FHOD3: variants seen among roughly 807,000 people sequenced by gnomAD.
The protein encoded by FHOD3 is formin homology 2 domain containing 3.
A neutral mutation model predicts 173.0 loss-of-function variants in FHOD3; 90 were observed. That is an observed-to-expected ratio of 0.52 (90% confidence interval 0.44 to 0.62). The LOEUF is 0.62. Ranked by LOEUF, FHOD3 falls within the 20% of genes least tolerant of loss-of-function variation. The probability of loss-of-function intolerance (pLI) is 0.00; values close to 1 mark genes in which losing one functional copy is unlikely to be tolerated. For synonymous variants in FHOD3, 828 were observed against 823.0 expected (o/e 1.01, Z -0.10); for missense variants, 1,945 against 2,034.7 (o/e 0.96, Z 0.85).
At chr18:36,658,019 ACTT>A in intron 13 of FHOD3, 53 bp from the exon 14 acceptor site, 4 of 1,291,564 alleles carry the variant, frequency 3.1e-6, no homozygotes, top group Admixed American at 3.6e-5. Context: ...TTATTTACTG[ACTT>A]GTACTTATTT....
intron 5 of FHOD3, among the ~76,000 whole-genome samples, chr18:36,529,275 AT>A (rs1568387994): frequency 6.6e-6 from 1 of 152,104 alleles, no homozygotes; most frequent in Admixed American, 6.5e-5. Flanking sequence ...ATAGGGTTTG[AT>A]GGTGATTTTG....
intron 1 of FHOD3, among the ~76,000 whole-genome samples, chr18:36,316,092 C>T (rs966512205): frequency 6.6e-6 from 1 of 151,238 alleles, no homozygotes; most frequent in Non-Finnish European, 1.5e-5. Flanking sequence ...CTCTTTTCTT[C>T]CCCCACTTTC....
At chr18:36,756,303 T>C (rs1357793661) in intron 25 of FHOD3, among the ~76,000 whole-genome samples, 1 of 152,172 alleles carries the variant, frequency 6.6e-6, no homozygotes, top group South Asian at 2.1e-4. Flanking sequence ...ATTTGGAACT[T>C]GTTGAAGGAC....
chr18:36,570,641 A>G (rs1213470133), intron 5 of FHOD3, among the ~76,000 whole-genome samples: 1 of 152,140 alleles, frequency 6.6e-6, no homozygotes, highest in Non-Finnish European at 1.5e-5. Flanking sequence ...AACAAATATT[A>G]GTAAATCAAA....
At chr18:36,415,643 A>G (rs1422117000) in intron 3 of FHOD3, among the ~76,000 whole-genome samples, 1 of 152,242 alleles carries the variant, frequency 6.6e-6, no homozygotes, top group Non-Finnish European at 1.5e-5. Flanking sequence ...GCAGTAATCT[A>G]TATTTAGCAG....
At chr18:36,673,250 T>C (rs2037648737) in intron 14 of FHOD3, among the ~76,000 whole-genome samples, 1 of 152,154 alleles carries the variant, frequency 6.6e-6, no homozygotes, top group African/African-American at 2.4e-5. Context: ...CACTTTTCTG[T>C]TAAAAAGGCA....
chr18:36,541,330 G>T (rs925306765), intron 5 of FHOD3, among the ~76,000 whole-genome samples: 2 of 151,092 alleles, frequency 1.3e-5, no homozygotes, highest in Non-Finnish European at 2.9e-5. Context: ...TGTAATCCCA[G>T]CACTTTCAGA....
chr18:36,704,826 G>A (rs999905192), intron 17 of FHOD3, among the ~76,000 whole-genome samples: 11 of 152,130 alleles, frequency 7.2e-5, no homozygotes, highest in South Asian at 2.1e-4. Context: ...TCCCTGCCCC[G>A]CTCCGGTGTG....
intron 1 of FHOD3, among the ~76,000 whole-genome samples, chr18:36,335,469 T>G (rs2045259756): frequency 6.8e-6 from 1 of 147,296 alleles, no homozygotes; most frequent in South Asian, 2.1e-4. Context: ...CACTCCAGCC[T>G]GGGCGACAGA....
chr18:36,721,888 G>C (rs2040812783), intron 19 of FHOD3, among the ~76,000 whole-genome samples: 1 of 152,140 alleles, frequency 6.6e-6, no homozygotes, highest in African/African-American at 2.4e-5. Flanking sequence ...ACAAAACAAA[G>C]AGAATTGGTT....
At chr18:36,774,413 T>C (rs964451882) in intron 28 of FHOD3, among the ~76,000 whole-genome samples, 1 of 152,172 alleles carries the variant, frequency 6.6e-6, no homozygotes, top group African/African-American at 2.4e-5. Context: ...TTCAACCTTG[T>C]CACCACAGAC....
intron 27 of FHOD3, among the ~76,000 whole-genome samples, chr18:36,766,557 G>A (rs1293034582): frequency 1.3e-5 from 2 of 152,176 alleles, no homozygotes; most frequent in African/African-American, 4.8e-5. Flanking sequence ...GTTCCAGGAA[G>A]AGGAATGTAT....
intron 16 of FHOD3, 114 bp downstream of exon 16, chr18:36,687,292 A>G (rs2038684135): frequency 3.9e-6 from 3 of 769,556 alleles, no homozygotes; most frequent in Non-Finnish European, 6.4e-6. Context: ...AAAACCTTAC[A>G]TAGCTGGCAT....
At chr18:36,629,045 C>T (rs1490542993) in intron 10 of FHOD3, among the ~76,000 whole-genome samples, 1 of 152,194 alleles carries the variant, frequency 6.6e-6, no homozygotes, top group East Asian at 1.9e-4. Context: ...ACAGTTGTGC[C>T]ATGCAGCTTT....
chr18:36,516,581 G>T (rs950626888), intron 5 of FHOD3, among the ~76,000 whole-genome samples: 1 of 152,152 alleles, frequency 6.6e-6, no homozygotes, highest in Admixed American at 6.5e-5. Context: ...GCTAGCCAGG[G>T]CCTCAAAACT....
At chr18:36,315,114 C>G (rs991358671) in intron 1 of FHOD3, among the ~76,000 whole-genome samples, 4 of 144,396 alleles carry the variant, frequency 2.8e-5, no homozygotes, top group Non-Finnish European at 4.4e-5. Flanking sequence ...CTGGCCTGGT[C>G]TCAGCCTACT....
At chr18:36,638,147 C>T (rs868025007) in intron 10 of FHOD3, among the ~76,000 whole-genome samples, 6 of 152,024 alleles carry the variant, frequency 3.9e-5, no homozygotes, top group Admixed American at 3.9e-4. Flanking sequence ...TTAAAAATAG[C>T]AAAAACTCTT....
At chr18:36,435,412 A>G (rs2050761296) in intron 3 of FHOD3, among the ~76,000 whole-genome samples, 1 of 152,146 alleles carries the variant, frequency 6.6e-6, no homozygotes, top group African/African-American at 2.4e-5. Context: ...AATCCAGTTA[A>G]AGAGCTGACT....
At chr18:36,503,757 T>G (rs1200164780) in intron 4 of FHOD3, among the ~76,000 whole-genome samples, 1 of 152,224 alleles carries the variant, frequency 6.6e-6, no homozygotes, top group African/African-American at 2.4e-5. Flanking sequence ...GTTGGTTCCA[T>G]GTTGCCTTCT....
Sources: allele counts gnomAD v4.1 joint callset (sites outside exome capture counted in the v4.1 genomes callset), GRCh38; gene constraint gnomAD v4.1.1; transcripts MANE v1.5; gene names NCBI Gene and HGNC (gene_info 2026-07-23, HGNC 2026-07-21).